SELENOI: variants seen among roughly 807,000 people sequenced by gnomAD.
SELENOI encodes the protein ethanolaminephosphotransferase 1.
A neutral mutation model predicts 50.7 loss-of-function variants in SELENOI; 24 were observed. That is an observed-to-expected ratio of 0.47 (90% CI 0.34 to 0.67). SELENOI has a LOEUF of 0.67. Ranked by LOEUF, SELENOI falls within the 30% of genes least tolerant of loss-of-function variation. The pLI, the probability that SELENOI is intolerant of heterozygous loss-of-function variation, is 0.01. For synonymous variants in SELENOI, 155 were observed against 170.2 expected, an observed-to-expected ratio of 0.91 and a Z score of 0.70; for missense variants, 352 against 461.4, an observed-to-expected ratio of 0.76 and a Z score of 2.17.
At chr2:26,372,732 C>G (rs1677483911) in intron 4 of SELENOI, among the ~76,000 whole-genome samples, 2 of 152,160 alleles carry the variant, frequency 1.3e-5, no homozygotes, top group Admixed American at 1.3e-4. Context: ...GCTAGTGAAA[C>G]AACCCAATTG....
At chr2:26,367,327 G>C in intron 4 of SELENOI, 107 bp downstream of exon 4, 1 of 827,882 alleles carries the variant, frequency 1.2e-6, no homozygotes, top group Admixed American at 3.2e-5. Context: ...TTTAACTAGA[G>C]TTTATTAGTA....
intron 6 of SELENOI, among the ~76,000 whole-genome samples, chr2:26,378,745 G>T (rs1423929721): frequency 6.6e-6 from 1 of 152,064 alleles, no homozygotes; most frequent in Non-Finnish European, 1.5e-5. Flanking sequence ...TTTTTGTCTG[G>T]TTTTTAATCA....
At position 26,373,579 on chromosome 2, in the gene SELENOI, T is replaced by G; in HGVS notation, c.523T>G (p.Tyr175Asp). The G allele has an allele frequency of 6.2e-7, 1 of 1,613,994 alleles. No individual in the cohort carries two copies. The highest frequency in any genetic ancestry group is 1.1e-5 in the South Asian group (1 of 91,064). ...FSFILSHWEK[Y>D]NTGILFLPWG... ...TTTCATCCTGTCCCACTGGGAAAAGTATAACACAGGGATTCTTTTCCTGCC... is the reference window on the plus strand; with the variant it reads ...TTTCATCCTGTCCCACTGGGAAAAGGATAACACAGGGATTCTTTTCCTGCC... The change falls in exon 5 of 10, where the codon TAT (tyrosine) becomes GAT (aspartate). Residue 175 changes from tyrosine (Y) to aspartate (D), a missense_variant. Physicochemically the swap from Tyr to Asp is radical, Grantham distance 160. Coordinates refer to ENST00000260585, the MANE Select transcript of SELENOI (RefSeq NM_033505.4).
At chr2:26,354,053 TATC>T (rs1385340026) in intron 1 of SELENOI, among the ~76,000 whole-genome samples, 1 of 152,154 alleles carries the variant, frequency 6.6e-6, no homozygotes, top group Non-Finnish European at 1.5e-5. Flanking sequence ...GGGAAAGCAT[TATC>T]ATCATAAATA....
chr2:26,370,734 C>T (rs1677405496), intron 4 of SELENOI, among the ~76,000 whole-genome samples: 3 of 142,080 alleles, frequency 2.1e-5, no homozygotes, highest in African/African-American at 5.2e-5. Flanking sequence ...GCTGGCCGGG[C>T]GGGGGGCTGA....
At chr2:26,359,558 G>A (rs1357770610) in intron 1 of SELENOI, among the ~76,000 whole-genome samples, 4 of 152,062 alleles carry the variant, frequency 2.6e-5, no homozygotes, top group African/African-American at 4.8e-5. Context: ...CAGGAGAATC[G>A]TTTGAACCCG....
At chr2:26,363,884 G>T (rs1677232083) in intron 1 of SELENOI, among the ~76,000 whole-genome samples, 3 of 152,052 alleles carry the variant, frequency 2.0e-5, no homozygotes, top group Admixed American at 1.3e-4. Context: ...GGGATTACAG[G>T]CGTGTGCCAC....
chr2:26,388,389 A>T (rs1677892686), intron 9 of SELENOI, among the ~76,000 whole-genome samples: 1 of 152,224 alleles, frequency 6.6e-6, no homozygotes, highest in South Asian at 2.1e-4. Flanking sequence ...ACTGGAAAAC[A>T]ATTTAGGATC....
At chr2:26,388,311 A>T (rs2147964570) in intron 9 of SELENOI, among the ~76,000 whole-genome samples, 1 of 152,312 alleles carries the variant, frequency 6.6e-6, no homozygotes, top group Non-Finnish European at 1.5e-5. Flanking sequence ...ACCAAAATAT[A>T]CTTTTCTTTA....
Position 26,389,532 on chromosome 2 carries a change from A to C in SELENOI, c.*429A>C, listed in dbSNP as rs1240037497. ...GGAGTAGCAGTAGTCCAAACCTAGT[A>C]TAGGGAAAGGATAAAAATAAGTCAC... On this transcript the variant is annotated 3_prime_UTR_variant, in exon 10 of 10. Coordinates refer to ENST00000260585, the MANE Select transcript of SELENOI (RefSeq NM_033505.4). 6.5e-6 allele frequency: 1 copy of C among 154,766 alleles called. No individual in the cohort carries two copies. Among genetic ancestry groups the C allele is most frequent in the Admixed American group, 6.4e-5 (1 of 15,652 alleles). 9.6% of individuals were successfully genotyped at this position (154,766 alleles called of 1,614,324 possible).
At chr2:26,347,156 GTTGT>G (rs1676804522) in intron 1 of SELENOI, among the ~76,000 whole-genome samples, 1 of 152,052 alleles carries the variant, frequency 6.6e-6, no homozygotes, top group Admixed American at 6.6e-5. Context: ...CTTCATCCTT[GTTGT>G]TACCCGTTCA....
chr2:26,379,569 T>G (rs1488984085), intron 6 of SELENOI, among the ~76,000 whole-genome samples: 3 of 152,050 alleles, frequency 2.0e-5, no homozygotes, highest in Non-Finnish European at 4.4e-5. Flanking sequence ...TGTAGCGGGT[T>G]CAGGTTTTGT....
intron 5 of SELENOI, 70 bp from the exon 6 acceptor site, chr2:26,374,970 A>G (rs1159729050): frequency 9.5e-7 from 1 of 1,047,410 alleles, no homozygotes; most frequent in Non-Finnish European, 1.5e-6. Context: ...AATGCTGCAT[A>G]AAGCATGGTG....
At chr2:26,347,190 A>T (rs571230836) in intron 1 of SELENOI, among the ~76,000 whole-genome samples, 93 of 152,218 alleles carry the variant, frequency 6.1e-4, no homozygotes, top group Non-Finnish European at 1.0e-3. Context: ...CTTAGCTTAA[A>T]TATTGCTTCC....
chr2:26,388,601 A>G (rs945869142), intron 9 of SELENOI, among the ~76,000 whole-genome samples: 5 of 152,196 alleles, frequency 3.3e-5, no homozygotes, highest in African/African-American at 1.2e-4. Context: ...GGCCTCTCCA[A>G]ATTCATAGAT....
At chr2:26,381,198 CTTTTTTTTTTTTTTTTTT>C (rs57102834) in intron 6 of SELENOI, among the ~76,000 whole-genome samples, 4 of 30,188 alleles carry the variant, frequency 1.3e-4, no homozygotes, top group African/African-American at 7.2e-4. Context: ...TCAGTTTGGT[CTTTTTTTTTTTTTTTTTT>C]TTTTTTTTTT....
intron 4 of SELENOI, 58 bp downstream of exon 4, chr2:26,367,278 C>A: frequency 1.5e-6 from 2 of 1,321,292 alleles, no homozygotes; most frequent in East Asian, 2.5e-5. Context: ...CAAGGATAGC[C>A]ACGTATTAAA....
intron 1 of SELENOI, among the ~76,000 whole-genome samples, chr2:26,354,213 A>G (rs1211095051): frequency 6.6e-6 from 1 of 152,056 alleles, no homozygotes; most frequent in Non-Finnish European, 1.5e-5. Flanking sequence ...TTTCACCGAG[A>G]CACTGAAAAT....
intron 4 of SELENOI, 53 bp from the exon 5 acceptor site, chr2:26,373,314 T>C: frequency 6.5e-7 from 1 of 1,541,690 alleles, no homozygotes; most frequent in Non-Finnish European, 8.8e-7. Flanking sequence ...AAGAAGACTT[T>C]CTCCATCCTG....
Sources: allele counts gnomAD v4.1 joint callset (sites outside exome capture counted in the v4.1 genomes callset), GRCh38; gene constraint gnomAD v4.1.1; transcripts MANE v1.5; gene names NCBI Gene and HGNC (gene_info 2026-07-23, HGNC 2026-07-21).